The following TRANK1 variants were observed in gnomAD, a reference collection of about 807,000 sequenced individuals.
TRANK1 encodes TPR and ankyrin repeat-containing protein 1.
Under a neutral mutation model 266.0 loss-of-function variants are expected in TRANK1, and 198 were observed. That is an observed-to-expected ratio of 0.74 (90% CI 0.66 to 0.84). The LOEUF (loss-of-function observed/expected upper bound fraction) is 0.84. TRANK1 is among the 40% of genes least tolerant of loss of function. TRANK1 has a pLI of 0.00. For synonymous variants in TRANK1, 1,396 were observed against 1,384.1 expected (o/e 1.01, Z -0.19); for missense variants, 3,326 against 3,634.6 (o/e 0.92, Z 2.18).
At chr3:36,870,263 C>G (rs866899548) in intron 9 of TRANK1, among the ~76,000 whole-genome samples, 1 of 152,274 alleles carries the variant, frequency 6.6e-6, no homozygotes, top group East Asian at 1.9e-4. Context: ...CAAAATTAGC[C>G]GGGCATGGTG....
chr3:36,900,851 C>CAAAAAATAAAAAAAAAAA (rs2079866022), intron 3 of TRANK1, among the ~76,000 whole-genome samples: 1 of 63,008 alleles, frequency 1.6e-5, no homozygotes, highest in Non-Finnish European at 3.3e-5. Context: ...GACCCTGTCT[C>CAAAAAATAAAAAAAAAAA]AAAAAAAAAA....
Position 36,855,861 on chromosome 3 carries a change from A to G in TRANK1, c.3861T>C (p.Ser1287=), listed in dbSNP as rs746569476. The part of the protein sequence containing the change: ...WSAQEESTIP[S]WQEDEEEAEV... ...CAGCCTCCTCTTCATCCTCTTGCCA[A>G]CTAGGAATGGTTGACTCTTCCTGTG... is the stretch of plus-strand genomic sequence containing the variant. The change falls in exon 13 of 24, where the codon AGT becomes AGC. Residue 1287 remains serine, a synonymous_variant. Coordinates refer to ENST00000645898, the MANE Select transcript of TRANK1 (RefSeq NM_001329998.2). The G allele has an allele frequency of 1.9e-6, 3 of 1,613,464 alleles. No homozygotes were observed. The highest frequency in any genetic ancestry group is 3.3e-5 in the Admixed American group (2 of 59,942).
chr3:36,879,803 C>T (rs180978975), intron 8 of TRANK1, among the ~76,000 whole-genome samples: 16,031 of 46,202 alleles, frequency 0.35, 2,299 homozygotes, highest in Non-Finnish European at 0.39. Context: ...TATAAATATA[C>T]AAATATATGT....
intron 1 of TRANK1, among the ~76,000 whole-genome samples, chr3:36,927,499 T>C (rs1188521213): frequency 6.6e-6 from 1 of 152,208 alleles, no homozygotes; most frequent in Non-Finnish European, 1.5e-5. Context: ...CTTGGTGTTT[T>C]ATCAGAACTC....
intron 4 of TRANK1, among the ~76,000 whole-genome samples, chr3:36,896,502 C>A (rs564922189): frequency 6.6e-6 from 1 of 152,160 alleles, no homozygotes; most frequent in African/African-American, 2.4e-5. Context: ...CTGGGCGACG[C>A]CAATTTCTTT....
chr3:36,847,600 C>A (rs556922072), intron 15 of TRANK1, among the ~76,000 whole-genome samples: 4 of 152,252 alleles, frequency 2.6e-5, no homozygotes, highest in Non-Finnish European at 5.9e-5. Context: ...ATGACCACTT[C>A]CAGGGAAGAA....
At chr3:36,899,999 A>G (rs1393800549) in intron 3 of TRANK1, among the ~76,000 whole-genome samples, 2 of 152,176 alleles carry the variant, frequency 1.3e-5, no homozygotes, top group African/African-American at 4.8e-5. Context: ...AGCTGGGACT[A>G]CAGGTGTGCA....
rs74664002 is a variant in TRANK1, at chr3:36,837,233, T to C, written c.5517+1139A>G. ...TTTCCTTTCAGGGATTCCTGTGCCT[T>C]GCCTGCTTCTTGCCTCTAGAGAGCA... On this transcript the variant is annotated intron_variant, in intron 20 of 23. Transcript: ENST00000645898. Among the ~76,000 whole-genome samples, 25 of 152,340 alleles carry C rather than the reference T, an allele frequency of 1.6e-4. No individual in the cohort carries two copies. In the East Asian group the frequency reaches 4.8e-3, roughly 29 times the overall value.
In TRANK1 at chr3:36,857,799, CAG is replaced by C; in HGVS notation, c.1921_1922del (p.Leu641AlafsTer58). ...ARHRIKKNDS[L>X]LLAWNKALME... ...TCAGAGCTTTGTTCCAGGCCAAGAG[CAG>C]AGAGTCGTTCTTCTTAATCCGGTGC... On this transcript the variant is annotated frameshift_variant, in exon 13 of 24. Transcript: ENST00000645898. LOFTEE classifies it high-confidence loss of function. This position sits in a 1 kb window ranked among gnomAD's most constrained non-coding sequence, Gnocchi z 4.3. 3 of 1,614,014 alleles carry C rather than the reference CAG, an allele frequency of 1.9e-6. No homozygotes were observed. Among genetic ancestry groups the C allele is most frequent in the Non-Finnish European group, 2.5e-6 (3 of 1,179,902 alleles).
At chr3:36,881,348 A>T (rs1001488334) in intron 8 of TRANK1, among the ~76,000 whole-genome samples, 1 of 152,070 alleles carries the variant, frequency 6.6e-6, no homozygotes, top group Non-Finnish European at 1.5e-5. Context: ...GATACTGGGG[A>T]GGCTGAGGCA....
At chr3:36,941,186 C>A (rs2080491374) in intron 1 of TRANK1, among the ~76,000 whole-genome samples, 1 of 152,152 alleles carries the variant, frequency 6.6e-6, no homozygotes, top group African/African-American at 2.4e-5. Context: ...CTCCAAAATC[C>A]ATCACTGATT....
At chr3:36,879,892 G>GTA (rs1559449240) in intron 8 of TRANK1, among the ~76,000 whole-genome samples, 1 of 34,038 alleles carries the variant, frequency 2.9e-5, no homozygotes, top group East Asian at 1.6e-3. Flanking sequence ...ATGTAAACAT[G>GTA]CAAATATATG....
At position 36,833,107 on chromosome 3, in the gene TRANK1, A is replaced by G; in HGVS notation, c.6476T>C (p.Ile2159Thr). ...REKKTKDHFLIMTDQVKLALN... is the reference protein window; with the variant it reads ...REKKTKDHFLTMTDQVKLALN... ...GGCTAATTTCACTTGGTCAGTCATT[A>G]TCAAAAAATGATCTTTTGTTTTTTT... The change falls in exon 22 of 24, where the codon ATA (isoleucine) becomes ACA (threonine). Residue 2159 changes from isoleucine to threonine, a missense_variant. Physicochemically the swap from Ile to Thr is moderately conservative, Grantham distance 89 (BLOSUM62 -1). Coordinates refer to ENST00000645898, the MANE Select transcript of TRANK1 (RefSeq NM_001329998.2). The G allele has an allele frequency of 2.5e-6, 4 of 1,612,386 alleles. No homozygotes were observed. Among genetic ancestry groups the G allele is most frequent in the Non-Finnish European group, 3.4e-6 (4 of 1,179,048 alleles).
intron 8 of TRANK1, among the ~76,000 whole-genome samples, chr3:36,886,443 T>G (rs910461312): frequency 2.2e-4 from 33 of 152,054 alleles, no homozygotes; most frequent in African/African-American, 7.7e-4. Context: ...CTCCCAACTT[T>G]CAGAAAGTTG....
At chr3:36,916,763 A>G (rs2080129799) in intron 1 of TRANK1, among the ~76,000 whole-genome samples, 1 of 151,732 alleles carries the variant, frequency 6.6e-6, no homozygotes, top group African/African-American at 2.4e-5. Flanking sequence ...TTACAGAAAC[A>G]GGGGCTTTGG....
rs1402150395 is a variant in TRANK1, at chr3:36,856,065, A to G, written c.3657T>C (p.Thr1219=). The G allele has an allele frequency of 6.2e-7, 1 of 1,613,818 alleles. No homozygotes were observed. The highest frequency in any genetic ancestry group is 1.7e-5 in the Admixed American group (1 of 59,998). The stretch of plus-strand genomic sequence containing the variant: ...TGGGGTCCAGTGGTTTGTAATGACT[A>G]GTGGCCTTGGTGGACTTGGAAAGCT... The part of the protein sequence containing the change: ...FIELSKSTKA[T]SHYKPLDPNI... Residue 1219 remains threonine, a synonymous_variant, in exon 13 of 24, where the codon ACT becomes ACC. Transcript: ENST00000645898.
chr3:36,856,639 T>C lies in TRANK1; in HGVS notation c.3083A>G (p.Lys1028Arg). Residue 1028 changes from lysine to arginine, a missense_variant, in exon 13 of 24, where the codon AAG becomes AGG. Physicochemically the swap from Lys to Arg is conservative, Grantham distance 26. Transcript: ENST00000645898. ...SAVETEYNIM[K>R]FHSFSTNMAF... ...CATGTTGGTGCTGAAGCTGTGGAAC[T>C]TCATGATGTTATATTCTGTCTCCAC... 2 of 1,614,036 alleles carry C rather than the reference T, an allele frequency of 1.2e-6. No homozygotes were observed. The highest frequency in any genetic ancestry group is 1.7e-6 in the Non-Finnish European group (2 of 1,179,902).
At position 36,855,777 on chromosome 3, in the gene TRANK1, A is replaced by C. The variant is rs1458728227; in HGVS notation, c.3945T>G (p.Ser1315Arg). ...DKAVEMRTGD[S>R]DPRVYVTFEV... Reference sequence around the variant, plus strand: ...CAAACGTCACGTACACCCGGGGGTCACTGTCACCCGTACGCATTTCTACAG... The same window carrying C: ...CAAACGTCACGTACACCCGGGGGTCCCTGTCACCCGTACGCATTTCTACAG... Residue 1315 changes from serine (S) to arginine (R), a missense_variant, in exon 13 of 24, where the codon AGT (serine) becomes AGG (arginine). By Grantham distance (110) the Ser-to-Arg change is moderately radical. Transcript: ENST00000645898. 6.2e-7 allele frequency: 1 copy of C among 1,613,594 alleles called. No homozygotes were observed. Among genetic ancestry groups the C allele is most frequent in the Non-Finnish European group, 8.5e-7 (1 of 1,179,832 alleles).
intron 14 of TRANK1, 61 bp downstream of exon 14, chr3:36,852,085 C>A: frequency 1.3e-6 from 2 of 1,499,962 alleles, no homozygotes; most frequent in South Asian, 2.8e-5. Context: ...TTTAGCTTCT[C>A]AAACTTTTTT....
Sources: allele counts gnomAD v4.1 joint callset (sites outside exome capture counted in the v4.1 genomes callset), GRCh38; gene constraint gnomAD v4.1.1; non-coding constraint Gnocchi (gnomAD v3.1); transcripts MANE v1.5; gene names NCBI Gene and HGNC (gene_info 2026-07-23, HGNC 2026-07-21).